PALM2AKAP2: variants seen among roughly 807,000 people sequenced by gnomAD.
PALM2AKAP2 encodes the protein PALM2 and AKAP2 fusion.
A neutral mutation model predicts 71.5 loss-of-function variants in PALM2AKAP2; 37 were observed. The observed-to-expected ratio is 0.52, with a 90% CI of 0.40 to 0.68. The LOEUF (loss-of-function observed/expected upper bound fraction) is 0.68, where lower values mean the gene tolerates loss of function less well. Ranked by LOEUF, PALM2AKAP2 falls within the 30% of genes least tolerant of loss-of-function variation. PALM2AKAP2 has a pLI of 0.00. For missense variants in PALM2AKAP2, 1,224 were observed against 1,191.8 expected, an observed-to-expected ratio of 1.03 and a Z score of -0.40; for synonymous variants, 468 against 478.8, an observed-to-expected ratio of 0.98 and a Z score of 0.29.
At chr9:110,151,901 T>A (rs1836324452) in intron 2 of PALM2AKAP2, among the ~76,000 whole-genome samples, 1 of 152,036 alleles carries the variant, frequency 6.6e-6, no homozygotes, top group Non-Finnish European at 1.5e-5. Flanking sequence ...TGGCACTGTG[T>A]GTTCATGTTG....
chr9:109,965,268 A>T (rs2132130719), intron 6 of PALM2AKAP2, among the ~76,000 whole-genome samples: 1 of 152,338 alleles, frequency 6.6e-6, no homozygotes, highest in Admixed American at 6.5e-5. Flanking sequence ...CAAGGACTCG[A>T]ACAGATATTT....
At chr9:109,768,110 A>G (rs1403345723) in intron 1 of PALM2AKAP2, among the ~76,000 whole-genome samples, 2 of 151,618 alleles carry the variant, frequency 1.3e-5, no homozygotes, top group African/African-American at 4.9e-5. Flanking sequence ...GAAAGGTAAG[A>G]AGAAAGGAAG....
At chr9:110,023,627 C>G (rs1342688008) in intron 7 of PALM2AKAP2, among the ~76,000 whole-genome samples, 1 of 151,760 alleles carries the variant, frequency 6.6e-6, no homozygotes. Flanking sequence ...GTGGCACTTT[C>G]TAACAAGCAT....
At chr9:109,743,482 T>C (rs1828749719) in intron 1 of PALM2AKAP2, among the ~76,000 whole-genome samples, 1 of 152,116 alleles carries the variant, frequency 6.6e-6, no homozygotes, top group South Asian at 2.1e-4. Context: ...AGGGCCGGCA[T>C]TGATGAAGCC....
In PALM2AKAP2 at chr9:110,127,803, A is replaced by AGGGCTGGAAGTTTAT. The variant is rs376694598; in HGVS notation, c.157-8323_157-8309dup. On this transcript the variant is annotated intron_variant, in intron 1 of 3. Coordinates refer to ENST00000374525, the Ensembl canonical transcript of PALM2AKAP2. Reference sequence around the variant, plus strand: ...CCCGGCACAGTTTGCGCCGTTGAAGAGGGCTGGAAGTTTATTTCCAGCTAT... The same window carrying AGGGCTGGAAGTTTAT: ...CCCGGCACAGTTTGCGCCGTTGAAGAGGGCTGGAAGTTTATGGGCTGGAAGTTTATTTCCAGCTAT... The AGGGCTGGAAGTTTAT allele has an allele frequency of 1.3e-4, 20 of 152,330 alleles. 1 individual carries two copies. The highest frequency in any genetic ancestry group is 4.8e-4 in the African/African-American group (20 of 41,560). 9.4% of individuals were successfully genotyped at this position (152,330 alleles called of 1,614,324 possible). A position where few individuals can be genotyped will look rare whatever the true frequency, so the allele number is the denominator to read the frequency against.
intron 6 of PALM2AKAP2, chr9:109,944,880 A>G (rs974807339): frequency 6.6e-6 from 1 of 152,226 alleles, no homozygotes; most frequent in African/African-American, 2.4e-5. Flanking sequence ...ACTGGTTTTA[A>G]TAAGAGTTAT....
chr9:109,835,396 G>A (rs1828441423), intron 1 of PALM2AKAP2, among the ~76,000 whole-genome samples: 1 of 150,060 alleles, frequency 6.7e-6, no homozygotes, highest in African/African-American at 2.5e-5. Flanking sequence ...GAGAGGGTGG[G>A]GGCGGTTCCA....
chr9:110,147,974 A>G (rs1182449117), intron 2 of PALM2AKAP2, among the ~76,000 whole-genome samples: 1 of 152,212 alleles, frequency 6.6e-6, no homozygotes, highest in Non-Finnish European at 1.5e-5. Flanking sequence ...TCAGTAGTCC[A>G]CTATGATTCG....
chr9:109,884,231 G>A (rs1261126269), intron 3 of PALM2AKAP2, among the ~76,000 whole-genome samples: 2 of 152,202 alleles, frequency 1.3e-5, no homozygotes, highest in Non-Finnish European at 2.9e-5. Context: ...GGAGACCGAG[G>A]CAGGTGGATC....
intron 7 of PALM2AKAP2, among the ~76,000 whole-genome samples, chr9:110,033,298 C>T (rs966079248): frequency 6.6e-6 from 1 of 152,124 alleles, no homozygotes; most frequent in African/African-American, 2.4e-5. Flanking sequence ...TAAAAATATG[C>T]ATTCTGTGTC....
intron 1 of PALM2AKAP2, among the ~76,000 whole-genome samples, chr9:109,674,437 C>T (rs1827620164): frequency 6.6e-6 from 1 of 151,822 alleles, no homozygotes; most frequent in Non-Finnish European, 1.5e-5. Flanking sequence ...TTGAGGAGAC[C>T]TGGGATTTAT....
At position 110,143,434 on chromosome 9, in the gene PALM2AKAP2, G is replaced by A. The variant is rs1443727683; in HGVS notation, c.2569+4895G>A. ...GCCAAAAAAAAAAAAAAAAAAAAAG[G>A]AGAGAGAGAGAATAAAGGAAGCACC... On this transcript the variant is annotated intron_variant, in intron 2 of 3. Coordinates refer to ENST00000374525, the Ensembl canonical transcript of PALM2AKAP2. Among the ~76,000 whole-genome samples, 18 of 118,092 alleles carry A rather than the reference G, an allele frequency of 1.5e-4. No homozygotes were observed. In the East Asian group the frequency reaches 1.9e-3, roughly 12 times the overall value. 77.5% of individuals were successfully genotyped at this position (118,092 alleles called of 152,430 possible). A position where few individuals can be genotyped will look rare whatever the true frequency, so the allele number is the denominator to read the frequency against.
At chr9:109,938,786 T>C (rs1831289648) in intron 6 of PALM2AKAP2, among the ~76,000 whole-genome samples, 1 of 152,142 alleles carries the variant, frequency 6.6e-6, no homozygotes, top group Admixed American at 6.5e-5. Context: ...CTCAGCACTT[T>C]GGGAGGCTGA....
exon 2 of PALM2AKAP2, chr9:110,138,046 T>C: frequency 6.2e-7 from 1 of 1,612,928 alleles, no homozygotes; most frequent in South Asian, 1.1e-5. Context: ...AACAGGGACC[T>C]GAAGCGACTG....
chr9:110,049,905 C>T (rs1833677773), intron 1 of PALM2AKAP2, among the ~76,000 whole-genome samples: 1 of 152,340 alleles, frequency 6.6e-6, no homozygotes, highest in Admixed American at 6.5e-5. Context: ...CAGGCGCTCG[C>T]CAGCCTGAGG....
chr9:109,713,937 G>A (rs1828279075), intron 1 of PALM2AKAP2, among the ~76,000 whole-genome samples: 1 of 152,226 alleles, frequency 6.6e-6, no homozygotes, highest in Non-Finnish European at 1.5e-5. Flanking sequence ...TGTAGCACAT[G>A]TATCATACTA....
Position 109,872,080 on chromosome 9 carries a change from T to C in PALM2AKAP2, c.126+4509T>C, listed in dbSNP as rs148658693. 2.0e-3 allele frequency among the ~76,000 whole-genome samples: 299 copies of C among 152,322 alleles called. 1 individual carries two copies. The highest frequency in any genetic ancestry group is 6.8e-3 in the African/African-American group (284 of 41,588). ...GACTTACATTTGAGTCTACCATTTA[T>C]GGATTATTTTTATTCCATTAATCTG... On this transcript the variant is annotated intron_variant, in intron 2 of 9. Transcript: ENST00000302798.
chr9:110,123,743 A>G (rs1479352005), intron 1 of PALM2AKAP2, among the ~76,000 whole-genome samples: 1 of 152,212 alleles, frequency 6.6e-6, no homozygotes, highest in African/African-American at 2.4e-5. Flanking sequence ...ACCTTTTTCT[A>G]AAACAAATCT....
intron 1 of PALM2AKAP2, among the ~76,000 whole-genome samples, chr9:109,713,113 C>T (rs1309090817): frequency 1.3e-5 from 2 of 152,206 alleles, no homozygotes; most frequent in Admixed American, 1.3e-4. Flanking sequence ...TCCCCATCAC[C>T]TGGGCCATTG....
Sources: allele counts gnomAD v4.1 joint callset (sites outside exome capture counted in the v4.1 genomes callset), GRCh38; gene constraint gnomAD v4.1.1; transcripts MANE v1.5; gene names NCBI Gene and HGNC (gene_info 2026-07-23, HGNC 2026-07-21).